CCDC57: variants seen among roughly 807,000 people sequenced by gnomAD.
The protein encoded by CCDC57 is coiled-coil domain-containing protein 57.
Under a neutral mutation model 118.9 loss-of-function variants are expected in CCDC57, and 118 were observed. The observed-to-expected ratio is 0.99, with a 90% confidence interval of 0.86 to 1.16. CCDC57 has a LOEUF of 1.16. Ranked by LOEUF, CCDC57 falls within the 50% of genes most tolerant of loss-of-function variation. CCDC57 has a pLI of 0.00. For missense variants in CCDC57, 1,300 were observed against 1,320.7 expected (o/e 0.98, Z 0.24); for synonymous variants, 527 against 532.9 (o/e 0.99, Z 0.15).
At chr17:82,119,023 T>C (rs2036291131) in intron 19 of CCDC57, among the ~76,000 whole-genome samples, 1 of 148,956 alleles carries the variant, frequency 6.7e-6, no homozygotes, top group Non-Finnish European at 1.5e-5. Context: ...TGAATGGTTC[T>C]TTCTTTCCTT....
chr17:82,173,635 C>G (rs2045066366), intron 11 of CCDC57, among the ~76,000 whole-genome samples: 1 of 152,176 alleles, frequency 6.6e-6, no homozygotes, highest in Admixed American at 6.5e-5. Context: ...GAACCCTAAG[C>G]AGGATAAACA....
intron 9 of CCDC57, among the ~76,000 whole-genome samples, chr17:82,180,094 T>G (rs2046019126): frequency 1.3e-5 from 2 of 152,148 alleles, no homozygotes; most frequent in Admixed American, 1.3e-4. Flanking sequence ...ACCGGTAAAC[T>G]TCAGGGAGTT....
intron 16 of CCDC57, among the ~76,000 whole-genome samples, chr17:82,138,689 G>GGGTCGGAAGAGACGCGTGGCCTGCCCCA (rs1383389215): frequency 1.3e-5 from 2 of 151,870 alleles, no homozygotes; most frequent in Admixed American, 1.3e-4. Flanking sequence ...GGCCTGCCCC[G>GGGTCGGAAGAGACGCGTGGCCTGCCCCA]GGTCGGAAGA....
chr17:82,150,051 A>T, intron 16 of CCDC57, among the ~76,000 whole-genome samples: 1 of 130,504 alleles, frequency 7.7e-6, no homozygotes, highest in African/African-American at 2.9e-5. Flanking sequence ...TGTGACCCCC[A>T]CCCAGAACCA....
rs2036155305 is a variant in CCDC57, at chr17:82,118,037, G to A, written c.2899+9655C>T. Among the ~76,000 whole-genome samples, 1 of 152,214 alleles carries A rather than the reference G, an allele frequency of 6.6e-6. No individual in the cohort carries two copies. The highest frequency in any genetic ancestry group is 1.5e-5 in the Non-Finnish European group (1 of 68,042). On this transcript the variant is annotated intron_variant, in intron 19 of 19. Transcript: ENST00000665763. The surrounding 1 kb of genome is among the most constrained non-coding windows in gnomAD (Gnocchi z 4.7). ...ACACCAAAACAAAGGGAGGTGAGCC[G>A]ATGCGGCGGCTCACAAAACTACCAG...
At chr17:82,184,733 C>T (rs1389546088) in intron 8 of CCDC57, among the ~76,000 whole-genome samples, 4 of 152,132 alleles carry the variant, frequency 2.6e-5, no homozygotes, top group African/African-American at 9.7e-5. Context: ...CCCCTTGTCA[C>T]GAGGGGTTAA....
chr17:82,131,988 G>T (rs2038438614), intron 17 of CCDC57, among the ~76,000 whole-genome samples: 2 of 151,302 alleles, frequency 1.3e-5, no homozygotes, highest in African/African-American at 4.9e-5. Context: ...CATGCTGGCG[G>T]GCGCCTGTAA....
At chr17:82,143,279 C>T (rs2040264728) in intron 16 of CCDC57, among the ~76,000 whole-genome samples, 1 of 152,010 alleles carries the variant, frequency 6.6e-6, no homozygotes, top group African/African-American at 2.4e-5. Flanking sequence ...AATGCAATTA[C>T]TAAGCAAGAA....
intron 3 of CCDC57, among the ~76,000 whole-genome samples, chr17:82,199,654 G>A (rs546359160): frequency 4.6e-5 from 7 of 152,244 alleles, no homozygotes; most frequent in African/African-American, 7.2e-5. Context: ...GTCAGCACCC[G>A]CACGGCGGGC....
At chr17:82,178,872 G>C (rs1426905313) in intron 10 of CCDC57, among the ~76,000 whole-genome samples, 155 bp downstream of exon 9, 1 of 152,178 alleles carries the variant, frequency 6.6e-6, no homozygotes, top group Non-Finnish European at 1.5e-5. Flanking sequence ...CAGGCGGGGT[G>C]CATTTTTATT....
intron 11 of CCDC57, among the ~76,000 whole-genome samples, chr17:82,173,918 A>C (rs890216288): frequency 6.6e-6 from 1 of 152,148 alleles, no homozygotes; most frequent in Non-Finnish European, 1.5e-5. Flanking sequence ...TCTGCCTCTG[A>C]CCAGGAGGGA....
intron 19 of CCDC57, among the ~76,000 whole-genome samples, chr17:82,120,654 G>C (rs1488987580): frequency 6.6e-6 from 1 of 152,200 alleles, no homozygotes; most frequent in Non-Finnish European, 1.5e-5. Context: ...ATACTTCGCA[G>C]ATCATTAAAC....
At chr17:82,121,006 C>T (rs369972948) in intron 19 of CCDC57, among the ~76,000 whole-genome samples, 2 of 152,198 alleles carry the variant, frequency 1.3e-5, no homozygotes, top group African/African-American at 2.4e-5. Context: ...CCACCCACCT[C>T]GGCCTCCCAA....
intron 11 of CCDC57, among the ~76,000 whole-genome samples, chr17:82,174,749 A>G (rs897766142): frequency 6.6e-6 from 1 of 152,178 alleles, no homozygotes; most frequent in Non-Finnish European, 1.5e-5. Flanking sequence ...TTTTGTAACC[A>G]TTTGTCTTTT....
chr17:82,157,519 G>C (rs2042822916), intron 15 of CCDC57: 15 of 1,423,738 alleles, frequency 1.1e-5, no homozygotes, highest in Non-Finnish European at 1.4e-5. Context: ...CCCACCAACG[G>C]GGCATCAAGG....
intron 19 of CCDC57, among the ~76,000 whole-genome samples, chr17:82,103,603 A>T (rs2034624858): frequency 6.6e-6 from 1 of 152,208 alleles, no homozygotes. Flanking sequence ...CCTCAAACCC[A>T]GAGGCCTTGG....
At chr17:82,173,578 C>T (rs1257854651) in intron 11 of CCDC57, among the ~76,000 whole-genome samples, 3 of 152,064 alleles carry the variant, frequency 2.0e-5, no homozygotes, top group South Asian at 2.1e-4. Flanking sequence ...TCACAGATGA[C>T]GAAGCAAATG....
intron 16 of CCDC57, chr17:82,145,786 T>A (rs2040649488): frequency 2.1e-6 from 1 of 465,646 alleles, no homozygotes; most frequent in African/African-American, 2.0e-5. Flanking sequence ...CCCGCCCTGG[T>A]CTCGGCCGGA....
At chr17:82,107,054 G>C (rs1305691017) in intron 19 of CCDC57, among the ~76,000 whole-genome samples, 1 of 152,172 alleles carries the variant, frequency 6.6e-6, no homozygotes, top group African/African-American at 2.4e-5. Flanking sequence ...GCGGACAGCT[G>C]GGAAGGAGGC....
Sources: gnomAD v4.1 joint callset for allele counts (sites outside exome capture counted in the v4.1 genomes callset) on GRCh38, gnomAD v4.1.1 for gene constraint, Gnocchi (gnomAD v3.1) non-coding constraint, MANE v1.5 for transcripts, NCBI Gene and HGNC (gene_info 2026-07-23, HGNC 2026-07-21) for gene names.